Variants in PDHA1 observed in about 807,000 individuals in gnomAD.
PDHA1 encodes pyruvate dehydrogenase E1 subunit alpha 1.
Under a neutral mutation model 33.0 loss-of-function variants are expected in PDHA1, and 1 was observed. That is an observed-to-expected ratio of 0.03 (90% CI 0.01 to 0.14). The LOEUF (loss-of-function observed/expected upper bound fraction) is 0.14, where lower values mean the gene tolerates loss of function less well. Ranked by LOEUF, PDHA1 falls within the 10% of genes least tolerant of loss-of-function variation. The probability of loss-of-function intolerance (pLI) is 1.00; values close to 1 mark genes in which losing one functional copy is unlikely to be tolerated. For synonymous variants in PDHA1, 123 were observed against 119.2 expected (o/e 1.03, Z -0.21); for missense variants, 168 against 325.1 (o/e 0.52, Z 3.72).
At position 19,345,568 on chromosome X, in the gene PDHA1, AT is replaced by A. The variant is rs373287835; in HGVS notation, c.57+1478del. On this transcript the variant is annotated intron_variant, in intron 1 of 10. Coordinates refer to ENST00000422285, the MANE Select transcript of PDHA1 (RefSeq NM_000284.4). ...CTGGGCGACAAGAGCAAGACTCCGT[AT>A]TTTAAAAAAAAAAAAAAAAAAAAAA... 6.8e-3 allele frequency among the ~76,000 whole-genome samples: 261 copies of A among 38,150 alleles called. 4 individuals are homozygous for A. In the South Asian group the frequency reaches 0.072, roughly 11 times the overall value. The allele number at this position is 38,150 out of a possible 115,157, so 33.1% of individuals were successfully genotyped here.
chrX:19,348,563 T>G (rs987573608), intron 1 of PDHA1, among the ~76,000 whole-genome samples: 1 of 112,880 alleles, frequency 8.9e-6, no homozygotes, highest in Non-Finnish European at 1.9e-5. Context: ...AGAGTCAAGT[T>G]TGCCTAGAGT....
At chrX:19,355,845 G>T in intron 8 of PDHA1, 88 bp downstream of exon 8, 1 of 676,520 alleles carries the variant, frequency 1.5e-6, no homozygotes, top group East Asian at 3.2e-5. Flanking sequence ...GCTGTTAGTG[G>T]GTACCTGCTA....
chrX:19,354,820 TTGGCAAAGGCCCTG>T (rs2063184775), intron 6 of PDHA1, among the ~76,000 whole-genome samples: 1 of 112,839 alleles, frequency 8.9e-6, no homozygotes, highest in Non-Finnish European at 1.9e-5. Flanking sequence ...ACATCAGTGC[TTGGCAAAGGCCCTG>T]TGGTAAAGGA....
intron 8 of PDHA1, among the ~76,000 whole-genome samples, chrX:19,356,047 C>T (rs2063195463): frequency 9.0e-6 from 1 of 111,560 alleles, no homozygotes; most frequent in Non-Finnish European, 1.9e-5. Flanking sequence ...TGTCCCTCCT[C>T]CCCACCCCCC....
chrX:19,359,521 G>T lies in PDHA1; in HGVS notation c.1041G>T (p.Glu347Asp), dbSNP rs1162453412. The T allele has an allele frequency of 8.3e-7, 1 of 1,210,383 alleles. No homozygotes were observed. The highest frequency in any genetic ancestry group is 2.2e-5 in the Admixed American group (1 of 45,993). ...EIDVEVRKEI[E>D]DAAQFATADP... ...ATGTGGAAGTGAGGAAGGAGATTGA[G>T]GATGCTGCCCAGTTTGCCACGGCCG... The change falls in exon 11 of 11, where the codon GAG becomes GAT. Residue 347 changes from glutamate to aspartate, a missense_variant. Coordinates refer to ENST00000422285, the MANE Select transcript of PDHA1 (RefSeq NM_000284.4).
intron 1 of PDHA1, chrX:19,346,487 T>TA (rs1003060579): frequency 3.7e-5 from 16 of 435,705 alleles, no homozygotes; most frequent in African/African-American, 2.3e-4. Flanking sequence ...CCCAGCCAAT[T>TA]AAAAAAATTT....
In PDHA1 at chrX:19,360,480, G is replaced by A. The variant is rs1183490981; in HGVS notation, c.*827G>A. ...AGCAATCCTCCCACCTCAGCCTCCT[G>A]CATAGCTGGGACTACAAGTGAATTT... On this transcript the variant is annotated 3_prime_UTR_variant, in exon 11 of 11. Transcript: ENST00000422285. The A allele has an allele frequency of 1.1e-5, 3 of 263,290 alleles. No homozygotes were observed. Among genetic ancestry groups the A allele is most frequent in the Non-Finnish European group, 2.0e-5 (3 of 148,150 alleles). 21.7% of individuals were successfully genotyped at this position (263,290 alleles called of 1,213,427 possible). A position where few individuals can be genotyped will look rare whatever the true frequency, so the allele number is the denominator to read the frequency against.
rs886878369 is a variant in PDHA1, at chrX:19,359,543, G to T, written c.1063G>T (p.Ala355Ser). 2 of 1,210,215 alleles carry T rather than the reference G, an allele frequency of 1.7e-6. No homozygotes were observed. The highest frequency in any genetic ancestry group is 3.5e-5 in the African/African-American group (2 of 57,712). Residue 355 changes from alanine (A) to serine (S), a missense_variant, in exon 11 of 11, where the codon GCC becomes TCC. By Grantham distance (99) the Ala-to-Ser change is moderately conservative (BLOSUM62 1). Coordinates refer to ENST00000422285, the MANE Select transcript of PDHA1 (RefSeq NM_000284.4). ...EIEDAAQFAT[A>S]DPEPPLEELG... ...TGAGGATGCTGCCCAGTTTGCCACG[G>T]CCGATCCTGAGCCACCTTTGGAAGA...
chrX:19,347,912 C>A (rs1322384398), intron 1 of PDHA1, among the ~76,000 whole-genome samples: 1 of 112,359 alleles, frequency 8.9e-6, no homozygotes, highest in Non-Finnish European at 1.9e-5. Context: ...CCAGCACTGT[C>A]ATTGTCTGTG....
chrX:19,352,849 T>C, intron 4 of PDHA1: 1 of 437,272 alleles, frequency 2.3e-6, no homozygotes, highest in Non-Finnish European at 4.0e-6. Context: ...GGATGGAACA[T>C]CTGAAGGAAA....
Position 19,349,340 on chromosome X carries a change from A to G in PDHA1, c.86A>G (p.Asn29Ser). The G allele has an allele frequency of 8.4e-7, 1 of 1,187,583 alleles. No homozygotes were observed. The highest frequency in any genetic ancestry group is 3.0e-5 in the East Asian group (1 of 33,763). ...PASRVLVASR[N>S]FANDATFEIK... ...AGCAGAGTGCTGGTAGCATCCCGTA[A>G]TTTTGCAAATGATGCTACATTTGAA... The change falls in exon 2 of 11, where the codon AAT (asparagine) becomes AGT (serine). Residue 29 changes from asparagine to serine, a missense_variant. Transcript: ENST00000422285.
At chrX:19,346,588 T>A (rs766213373) in intron 1 of PDHA1, 1 of 961,541 alleles carries the variant, frequency 1.0e-6, no homozygotes, top group South Asian at 3.6e-5. Flanking sequence ...CCTCCCAAAG[T>A]GCTGGGATTA....
In PDHA1 at chrX:19,358,438, AAGGGAGAAAGGCAAGGC is replaced by A. The variant is rs1469751232; in HGVS notation, c.900-476_900-460del. On this transcript the variant is annotated intron_variant, in intron 9 of 10. Coordinates refer to ENST00000422285, the MANE Select transcript of PDHA1 (RefSeq NM_000284.4). Reference sequence around the variant, plus strand: ...TGGCTGTGCTTCTTTAGGGGGACTTAAGGGAGAAAGGCAAGGCACATGGATTTCCTGCTTGGCGCTCT... The same window carrying A: ...TGGCTGTGCTTCTTTAGGGGGACTTAACATGGATTTCCTGCTTGGCGCTCT... Among the ~76,000 whole-genome samples, 178 of 111,826 alleles carry A rather than the reference AAGGGAGAAAGGCAAGGC, an allele frequency of 1.6e-3. 1 individual carries two copies. The highest frequency in any genetic ancestry group is 2.9e-3 in the Non-Finnish European group (155 of 53,188).
intron 1 of PDHA1, 104 bp downstream of exon 1, chrX:19,344,198 C>T: frequency 1.5e-6 from 1 of 689,488 alleles, no homozygotes; most frequent in East Asian, 3.5e-5. Flanking sequence ...GTGGAAGGCG[C>T]CAGGGGAGCC....
intron 9 of PDHA1, among the ~76,000 whole-genome samples, chrX:19,358,648 C>T (rs1330572744): frequency 8.9e-6 from 1 of 111,852 alleles, no homozygotes; most frequent in East Asian, 2.8e-4. Flanking sequence ...GCCAGGGAAG[C>T]CATGTGACTC....
chrX:19,349,560 G>T (rs956861426), intron 2 of PDHA1, among the ~76,000 whole-genome samples, 189 bp downstream of exon 2: 1 of 111,613 alleles, frequency 9.0e-6, no homozygotes, highest in Non-Finnish European at 1.9e-5. Context: ...GTTGTTCTGT[G>T]GGGGGAAGGG....
At chrX:19,357,261 A>G (rs192962291) in intron 8 of PDHA1, 1 of 218,646 alleles carries the variant, frequency 4.6e-6, no homozygotes, top group African/African-American at 3.0e-5. Context: ...TGCCTGGCTA[A>G]TTTTTGTATT....
In PDHA1 at chrX:19,359,761, A is replaced by AACTTC; in HGVS notation, c.*109_*113dup. ...AATGAAATTCAATGAAATTCTTGGA[A>AACTTC]ACTTCCATTAAGTGTGTAGATTGAG... On this transcript the variant is annotated 3_prime_UTR_variant, in exon 11 of 11. Coordinates refer to ENST00000422285, the MANE Select transcript of PDHA1 (RefSeq NM_000284.4). The AACTTC allele has an allele frequency of 1.4e-6, 1 of 733,944 alleles. No homozygotes were observed. Among genetic ancestry groups the AACTTC allele is most frequent in the Non-Finnish European group, 2.1e-6 (1 of 477,578 alleles). The allele number at this position is 733,944 out of a possible 1,213,427, so 60.5% of individuals were successfully genotyped here.
At chrX:19,356,321 T>TC (rs1318268551) in intron 8 of PDHA1, among the ~76,000 whole-genome samples, 1 of 111,208 alleles carries the variant, frequency 9.0e-6, no homozygotes, top group Non-Finnish European at 1.9e-5. Flanking sequence ...TTGGGTGTTC[T>TC]CCCTAAATCA....
Sources: allele counts gnomAD v4.1 joint callset (sites outside exome capture counted in the v4.1 genomes callset), GRCh38; gene constraint gnomAD v4.1.1; transcripts MANE v1.5; gene names NCBI Gene and HGNC (gene_info 2026-07-23, HGNC 2026-07-21).